Variants in FTO observed in about 807,000 individuals in gnomAD.
The protein encoded by FTO is alpha-ketoglutarate-dependent dioxygenase FTO.
Under a neutral mutation model 63.9 loss-of-function variants are expected in FTO, and 47 were observed. That is an observed-to-expected ratio of 0.74 (90% CI 0.58 to 0.94). The LOEUF (loss-of-function observed/expected upper bound fraction) is 0.94, where lower values mean the gene tolerates loss of function less well. FTO is among the 40% of genes least tolerant of loss of function. FTO has a pLI of 0.00. For missense variants in FTO, 562 were observed against 618.1 expected, an observed-to-expected ratio of 0.91 and a Z score of 0.96; for synonymous variants, 207 against 224.4, an observed-to-expected ratio of 0.92 and a Z score of 0.69.
At chr16:53,982,097 A>T (rs1413211067) in intron 8 of FTO, among the ~76,000 whole-genome samples, 1 of 151,974 alleles carries the variant, frequency 6.6e-6, no homozygotes, top group Admixed American at 6.6e-5. Flanking sequence ...AACAAAAAAC[A>T]AGACATTCTT....
rs560804763 is a variant in FTO, at chr16:54,059,600, G to A, written c.1365-52162G>A. ...GCTCGGTTGTAGGCAGTGGTTAAGC[G>A]CTGCTCCAGTGGGGCCCATCACCAG... On this transcript the variant is annotated intron_variant, in intron 8 of 8. Coordinates refer to ENST00000471389, the MANE Select transcript of FTO (RefSeq NM_001080432.3). Among the ~76,000 whole-genome samples the A allele has an allele frequency of 3.9e-5, 6 of 152,268 alleles. No homozygotes were observed. The South Asian group carries it at 6.2e-4, about 16-fold the overall frequency.
intron 7 of FTO, chr16:53,911,552 GA>G (rs1393373402): frequency 1.6e-5 from 11 of 695,642 alleles, no homozygotes; most frequent in Non-Finnish European, 2.6e-5. Flanking sequence ...CATCTGATCT[GA>G]GGAGACATTT....
At chr16:53,812,296 T>C (rs2151741412) in intron 2 of FTO, among the ~76,000 whole-genome samples, 1 of 150,084 alleles carries the variant, frequency 6.7e-6, no homozygotes, top group African/African-American at 2.5e-5. Flanking sequence ...TGAGATAGAG[T>C]CTAGCTGTGT....
chr16:53,717,485 T>G (rs1016371099), intron 1 of FTO, among the ~76,000 whole-genome samples: 8 of 152,130 alleles, frequency 5.3e-5, no homozygotes, highest in Admixed American at 1.3e-4. Context: ...TCGTCTTTTC[T>G]TACTGATTTG....
At chr16:53,835,008 C>T (rs949548328) in intron 3 of FTO, among the ~76,000 whole-genome samples, 1 of 152,190 alleles carries the variant, frequency 6.6e-6, no homozygotes, top group Non-Finnish European at 1.5e-5. Context: ...AACCTGTGAT[C>T]TGTTATCCTT....
chr16:53,737,262 T>C (rs1002445165), intron 1 of FTO, among the ~76,000 whole-genome samples: 1 of 152,234 alleles, frequency 6.6e-6, no homozygotes, highest in East Asian at 1.9e-4. Flanking sequence ...TATATATCTC[T>C]ATATACATAC....
chr16:53,975,948 G>T (rs1461166179), intron 8 of FTO, among the ~76,000 whole-genome samples: 1 of 152,094 alleles, frequency 6.6e-6, no homozygotes, highest in Non-Finnish European at 1.5e-5. Context: ...GATTGATTAA[G>T]TAAGTATCAG....
At chr16:53,884,916 C>T (rs929271490) in intron 6 of FTO, among the ~76,000 whole-genome samples, 2 of 152,156 alleles carry the variant, frequency 1.3e-5, no homozygotes, top group African/African-American at 4.8e-5. Context: ...GATGTGTCAC[C>T]CGTGGAATGT....
chr16:53,801,152 T>A (rs1368707424), intron 1 of FTO, among the ~76,000 whole-genome samples: 1 of 152,126 alleles, frequency 6.6e-6, no homozygotes, highest in African/African-American at 2.4e-5. Context: ...TATTCTTTGA[T>A]CCCTTTTTTT....
At chr16:53,961,506 A>C (rs561593453) in intron 8 of FTO, among the ~76,000 whole-genome samples, 1 of 152,348 alleles carries the variant, frequency 6.6e-6, no homozygotes, top group South Asian at 2.1e-4. Flanking sequence ...AAATTGCAAC[A>C]AGTATTAAAT....
chr16:53,913,925 G>A (rs369823354), intron 7 of FTO, among the ~76,000 whole-genome samples: 11 of 151,308 alleles, frequency 7.3e-5, no homozygotes, highest in African/African-American at 2.7e-4. Context: ...GCTGCTGTGA[G>A]CCGAGACCAC....
chr16:54,040,589 G>A (rs2085049421), intron 8 of FTO: 1 of 152,194 alleles, frequency 6.6e-6, no homozygotes, highest in Admixed American at 6.5e-5. Context: ...AGAGAGATCA[G>A]GGAGGCTTCT....
chr16:53,771,304 C>T (rs1056741556), intron 1 of FTO, among the ~76,000 whole-genome samples: 2 of 152,134 alleles, frequency 1.3e-5, no homozygotes, highest in Non-Finnish European at 2.9e-5. Flanking sequence ...TCCTTGACTT[C>T]GTCTTTCCCA....
chr16:54,083,605 C>T (rs749886383), intron 8 of FTO, among the ~76,000 whole-genome samples: 4 of 152,098 alleles, frequency 2.6e-5, no homozygotes, highest in Non-Finnish European at 5.9e-5. Context: ...ATGTGAGCTA[C>T]GGTGGATCCA....
intron 8 of FTO, among the ~76,000 whole-genome samples, chr16:54,109,465 G>A (rs1420287875): frequency 6.6e-6 from 1 of 152,166 alleles, no homozygotes; most frequent in African/African-American, 2.4e-5. Context: ...CAAGTAGCTG[G>A]GATCACAGGC....
chr16:53,996,984 G>T (rs907178400), intron 8 of FTO, among the ~76,000 whole-genome samples: 2 of 151,972 alleles, frequency 1.3e-5, no homozygotes, highest in African/African-American at 4.8e-5. Flanking sequence ...GTGGTGGCGG[G>T]TGCCTGTAAT....
intron 1 of FTO, among the ~76,000 whole-genome samples, chr16:53,796,346 G>A (rs1436693322): frequency 6.6e-6 from 1 of 152,112 alleles, no homozygotes; most frequent in Admixed American, 6.5e-5. Context: ...TCCTGGCCTA[G>A]TTTTTAATTA....
chr16:53,918,384 G>A (rs1274076140), intron 7 of FTO, among the ~76,000 whole-genome samples: 1 of 152,188 alleles, frequency 6.6e-6, no homozygotes, highest in East Asian at 1.9e-4. Context: ...ACAATGATAA[G>A]TATTTGTGTA....
intron 1 of FTO, among the ~76,000 whole-genome samples, chr16:53,715,257 C>T (rs1174848539): frequency 6.6e-6 from 1 of 152,138 alleles, no homozygotes; most frequent in African/African-American, 2.4e-5. Flanking sequence ...GAACATCACC[C>T]ACTTAATTAA....
Sources: gnomAD v4.1 joint callset for allele counts (sites outside exome capture counted in the v4.1 genomes callset) on GRCh38, gnomAD v4.1.1 for gene constraint, MANE v1.5 for transcripts, NCBI Gene and HGNC (gene_info 2026-07-23, HGNC 2026-07-21) for gene names.